Variants in ADAMTS19 observed in about 807,000 individuals in gnomAD.
The protein encoded by ADAMTS19 is A disintegrin and metalloproteinase with thrombospondin motifs 19.
ADAMTS19 carries 93 observed loss-of-function variants against 153.3 expected under a neutral mutation model. The observed-to-expected ratio is 0.61, with a 90% confidence interval of 0.51 to 0.72. The LOEUF is 0.72. Ranked by LOEUF, ADAMTS19 falls within the 30% of genes least tolerant of loss-of-function variation. The pLI, the probability that ADAMTS19 is intolerant of heterozygous loss-of-function variation, is 0.00. For missense variants in ADAMTS19, 1,482 were observed against 1,552.1 expected (o/e 0.95, Z 0.76); for synonymous variants, 600 against 556.6 (o/e 1.08, Z -1.10).
At chr5:129,507,411 G>A (rs937178878) in intron 2 of ADAMTS19, among the ~76,000 whole-genome samples, 4 of 151,450 alleles carry the variant, frequency 2.6e-5, no homozygotes, top group Non-Finnish European at 4.4e-5. Context: ...ATATTTTCTT[G>A]TTTCTCATTA....
intron 8 of ADAMTS19, among the ~76,000 whole-genome samples, chr5:129,598,209 A>G (rs965598649): frequency 4.9e-4 from 74 of 152,188 alleles, no homozygotes; most frequent in African/African-American, 1.7e-3. Context: ...CCCACAGCCC[A>G]TATGGCAACC....
intron 21 of ADAMTS19, among the ~76,000 whole-genome samples, chr5:129,709,259 A>C (rs1338739230): frequency 2.0e-5 from 3 of 152,116 alleles, no homozygotes; most frequent in Admixed American, 6.5e-5. Context: ...TAGTTTCCTT[A>C]GTTACAAATC....
intron 10 of ADAMTS19, among the ~76,000 whole-genome samples, chr5:129,635,610 G>C (rs191176117): frequency 5.4e-4 from 83 of 152,300 alleles, no homozygotes; most frequent in African/African-American, 1.9e-3. Flanking sequence ...CAGCAACATG[G>C]ATGGAAGTGG....
rs146204957 is a variant in ADAMTS19, at chr5:129,552,227, A to G, written c.1372+320A>G. Among the ~76,000 whole-genome samples the G allele has an allele frequency of 7.4e-4, 112 of 151,936 alleles. No homozygotes were observed. In the East Asian group the frequency reaches 0.012, roughly 16 times the overall value. Reference sequence around the variant, plus strand: ...TAACCAAAGACAAAATATATTAATGACATTATGTTTGACTAATTTGCAGGA... The same window carrying G: ...TAACCAAAGACAAAATATATTAATGGCATTATGTTTGACTAATTTGCAGGA... On this transcript the variant is annotated intron_variant, in intron 7 of 22. Transcript: ENST00000274487.
At chr5:129,511,746 C>G (rs1434835560) in intron 3 of ADAMTS19, among the ~76,000 whole-genome samples, 1 of 151,680 alleles carries the variant, frequency 6.6e-6, no homozygotes, top group Non-Finnish European at 1.5e-5. Context: ...GATCAGACTG[C>G]CTGTGTTCAT....
At chr5:129,673,993 G>A (rs1175171669) in intron 16 of ADAMTS19, among the ~76,000 whole-genome samples, 1 of 152,154 alleles carries the variant, frequency 6.6e-6, no homozygotes, top group Non-Finnish European at 1.5e-5. Flanking sequence ...CACTTTGGGA[G>A]GCTGAGGTGG....
chr5:129,602,904 G>T (rs1464745340), intron 8 of ADAMTS19, among the ~76,000 whole-genome samples: 2 of 150,458 alleles, frequency 1.3e-5, no homozygotes, highest in Non-Finnish European at 1.5e-5. Context: ...ACTTTATTAT[G>T]CATAGTAAAT....
intron 3 of ADAMTS19, among the ~76,000 whole-genome samples, chr5:129,525,035 A>G (rs987935272): frequency 6.6e-6 from 1 of 152,114 alleles, no homozygotes; most frequent in Non-Finnish European, 1.5e-5. Flanking sequence ...TCATTGCTAT[A>G]TAGTATTCCA....
intron 7 of ADAMTS19, among the ~76,000 whole-genome samples, chr5:129,572,525 T>G (rs920290396): frequency 1.3e-5 from 2 of 151,992 alleles, no homozygotes; most frequent in African/African-American, 2.4e-5. Flanking sequence ...GTCCAAATGT[T>G]CTTTAACAGG....
chr5:129,690,258 C>T (rs1371767384), intron 18 of ADAMTS19, among the ~76,000 whole-genome samples: 2 of 152,160 alleles, frequency 1.3e-5, no homozygotes, highest in Non-Finnish European at 2.9e-5. Context: ...AAGGATATAC[C>T]TCGGTGCAAA....
intron 19 of ADAMTS19, among the ~76,000 whole-genome samples, chr5:129,697,321 C>T (rs1755605442): frequency 6.6e-6 from 1 of 152,066 alleles, no homozygotes; most frequent in Non-Finnish European, 1.5e-5. Flanking sequence ...GTTTTGTCCC[C>T]TTAGCTGAGA....
At chr5:129,728,045 T>C (rs1189861645) in intron 21 of ADAMTS19, among the ~76,000 whole-genome samples, 1 of 152,118 alleles carries the variant, frequency 6.6e-6, no homozygotes, top group Non-Finnish European at 1.5e-5. Context: ...AAAACCAAGA[T>C]GGTGATGAAA....
chr5:129,658,712 G>C lies in ADAMTS19; in HGVS notation c.2400G>C (p.Gly800=), dbSNP rs1003490195. The change falls in exon 15 of 23, where the codon GGG becomes GGC. Residue 800 remains glycine, a synonymous_variant. Transcript: ENST00000274487. The stretch of plus-strand genomic sequence containing the variant: ...GAAAATCATGCAAGATCATTAAAGG[G>C]GATTTTAATCACACCAGAGGAGCAG... ...GNGKSCKIIK[G]DFNHTRGAGY... The C allele has an allele frequency of 3.7e-6, 6 of 1,611,090 alleles. No homozygotes were observed. Among genetic ancestry groups the C allele is most frequent in the Non-Finnish European group, 5.1e-6 (6 of 1,178,396 alleles).
intron 6 of ADAMTS19, among the ~76,000 whole-genome samples, chr5:129,531,642 A>G (rs1282260748): frequency 6.6e-6 from 1 of 152,082 alleles, no homozygotes; most frequent in African/African-American, 2.4e-5. Context: ...CAAACAAACA[A>G]ACAAAAAAAC....
chr5:129,655,041 T>G (rs1443135981), intron 14 of ADAMTS19, among the ~76,000 whole-genome samples: 2 of 152,204 alleles, frequency 1.3e-5, no homozygotes, highest in South Asian at 2.1e-4. Context: ...AGTGTAGAAG[T>G]GAGCAGTTGC....
At chr5:129,530,313 A>G (rs1752154614) in intron 6 of ADAMTS19, among the ~76,000 whole-genome samples, 1 of 152,144 alleles carries the variant, frequency 6.6e-6, no homozygotes, top group East Asian at 1.9e-4. Context: ...CGAAGGAGAG[A>G]GTAAGAATGG....
chr5:129,528,181 C>T (rs1436596492), intron 5 of ADAMTS19, among the ~76,000 whole-genome samples: 1 of 151,856 alleles, frequency 6.6e-6, no homozygotes, highest in African/African-American at 2.4e-5. Context: ...TGATATGCTG[C>T]TTAACTGGCA....
In ADAMTS19 at chr5:129,679,695, A is replaced by G. The variant is rs1581218921; in HGVS notation, c.2507-69A>G. The G allele has an allele frequency of 3.8e-6, 5 of 1,311,092 alleles. No homozygotes were observed. The East Asian group carries it at 1.3e-4, about 34-fold the overall frequency. The allele number at this position is 1,311,092 out of a possible 1,614,324, so 81.2% of individuals were successfully genotyped here. A position where few individuals can be genotyped will look rare whatever the true frequency, so the allele number is the denominator to read the frequency against. On this transcript the variant is annotated intron_variant, in intron 16 of 22. Coordinates refer to ENST00000274487, the MANE Select transcript of ADAMTS19 (RefSeq NM_133638.6). ...TAAATGGACTAGTTTTAACAAAATA[A>G]TTTGTAGTAGATGTTGATCAATGAA...
intron 10 of ADAMTS19, among the ~76,000 whole-genome samples, chr5:129,630,042 TTATAG>T (rs1202883000): frequency 6.6e-6 from 1 of 152,096 alleles, no homozygotes; most frequent in Non-Finnish European, 1.5e-5. Flanking sequence ...ATAGAAAAGT[TTATAG>T]TATAACTGAA....
Sources: allele counts gnomAD v4.1 joint callset (sites outside exome capture counted in the v4.1 genomes callset), GRCh38; gene constraint gnomAD v4.1.1; transcripts MANE v1.5; gene names NCBI Gene and HGNC (gene_info 2026-07-23, HGNC 2026-07-21).